Variants in SLC9B1 observed in about 807,000 individuals in gnomAD.
The protein encoded by SLC9B1 is solute carrier family 9 member B1.
A neutral mutation model predicts 51.7 loss-of-function variants in SLC9B1; 32 were observed. The observed-to-expected ratio is 0.62, with a 90% confidence interval of 0.47 to 0.83. The LOEUF (loss-of-function observed/expected upper bound fraction) is 0.83, where lower values mean the gene tolerates loss of function less well. SLC9B1 is among the 40% of genes least tolerant of loss of function. SLC9B1 has a pLI of 0.00. For missense variants in SLC9B1, 406 were observed against 613.2 expected (o/e 0.66, Z 3.57); for synonymous variants, 145 against 212.7 (o/e 0.68, Z 2.77).
intron 1 of SLC9B1, among the ~76,000 whole-genome samples, chr4:102,992,466 A>G (rs1393336944): frequency 6.6e-6 from 1 of 152,182 alleles, no homozygotes; most frequent in Non-Finnish European, 1.5e-5. Context: ...TCAAGTATCT[A>G]TACTTTTCTA....
chr4:102,926,224 A>T (rs902699741), intron 7 of SLC9B1, among the ~76,000 whole-genome samples: 3 of 152,276 alleles, frequency 2.0e-5, no homozygotes, highest in African/African-American at 7.2e-5. Flanking sequence ...CCTATTCAAC[A>T]TGGTGTTGGA....
At chr4:102,989,732 C>T (rs1739847188) in intron 3 of SLC9B1, 68 bp downstream of exon 3, 1 of 1,136,782 alleles carries the variant, frequency 8.8e-7, no homozygotes, top group South Asian at 1.6e-5. Context: ...TCTTTGTTGT[C>T]TCATGTTTTA....
chr4:102,926,918 C>T (rs1027505699), intron 7 of SLC9B1, among the ~76,000 whole-genome samples: 2 of 152,254 alleles, frequency 1.3e-5, no homozygotes, highest in Admixed American at 1.3e-4. Flanking sequence ...ACCAATGGAA[C>T]AGAACAGAGG....
chr4:102,958,068 T>C (rs1477299114), intron 3 of SLC9B1, among the ~76,000 whole-genome samples: 1 of 152,164 alleles, frequency 6.6e-6, no homozygotes, highest in Non-Finnish European at 1.5e-5. Context: ...AGTAACACAA[T>C]GAAACTCTGT....
intron 7 of SLC9B1, among the ~76,000 whole-genome samples, chr4:102,925,124 T>A (rs538969489): frequency 6.6e-6 from 1 of 152,338 alleles, no homozygotes; most frequent in African/African-American, 2.4e-5. Flanking sequence ...ATTGTGGCAC[T>A]ATTCACAATA....
rs1735729402 is a variant in SLC9B1, at chr4:102,919,063, GC to G, written c.830-7527del. On this transcript the variant is annotated intron_variant, in intron 7 of 11. Coordinates refer to ENST00000296422, the MANE Select transcript of SLC9B1 (RefSeq NM_139173.4). The stretch of plus-strand genomic sequence containing the variant: ...ACTGCACAGAGCAGCAAAGCTCTGG[GC>G]CTGGCCCACAAAACCATTTTTTCCC... Among the ~76,000 whole-genome samples the G allele has an allele frequency of 2.0e-5, 3 of 152,166 alleles. No homozygotes were observed. The South Asian group carries it at 6.2e-4, about 32-fold the overall frequency.
chr4:102,889,737 GT>G (rs1319000947), intron 11 of SLC9B1: 2 of 152,134 alleles, frequency 1.3e-5, no homozygotes, highest in Admixed American at 6.5e-5. Context: ...GTAGTAAGCT[GT>G]TGCTTTAATA....
At chr4:102,964,999 C>A (rs1447185232) in intron 3 of SLC9B1, among the ~76,000 whole-genome samples, 1 of 151,110 alleles carries the variant, frequency 6.6e-6, no homozygotes, top group Non-Finnish European at 1.5e-5. Context: ...AGGAACACAC[C>A]CACACACACA....
chr4:102,972,493 G>T (rs368986354), intron 3 of SLC9B1, among the ~76,000 whole-genome samples: 3 of 152,216 alleles, frequency 2.0e-5, no homozygotes, highest in East Asian at 1.9e-4. Flanking sequence ...TGATCTGCTC[G>T]CCTCGGCCTC....
chr4:102,920,514 C>T (rs565377532), intron 7 of SLC9B1, among the ~76,000 whole-genome samples: 30 of 152,282 alleles, frequency 2.0e-4, no homozygotes, highest in East Asian at 3.9e-4. Flanking sequence ...TCCAAAGGAT[C>T]GCAGCTCCTT....
chr4:102,886,320 C>T (rs1184455613), intron 11 of SLC9B1, among the ~76,000 whole-genome samples: 1 of 151,920 alleles, frequency 6.6e-6, no homozygotes, highest in Non-Finnish European at 1.5e-5. Context: ...AACCCCGTCT[C>T]TACTAAAAAA....
chr4:102,930,535 G>GCTGGGATTACAGATGCCCACCAC (rs1467936713), intron 7 of SLC9B1, among the ~76,000 whole-genome samples: 6 of 152,136 alleles, frequency 3.9e-5, no homozygotes, highest in Admixed American at 3.9e-4. Flanking sequence ...CTCCTGAGTA[G>GCTGGGATTACAGATGCCCACCAC]CTGGGATTAC....
At chr4:102,941,263 T>C (rs1736980805) in intron 6 of SLC9B1, among the ~76,000 whole-genome samples, 1 of 152,110 alleles carries the variant, frequency 6.6e-6, no homozygotes, top group Non-Finnish European at 1.5e-5. Flanking sequence ...AAAAGTCTAA[T>C]ATCCAGAATC....
At chr4:102,896,798 A>G (rs1347629187), downstream of SLC9B1, 1 of 152,484 alleles carries the variant, frequency 6.6e-6, no homozygotes, top group Admixed American at 6.5e-5. Context: ...ATATTGAGAC[A>G]CAGAAGCAGC....
intron 3 of SLC9B1, among the ~76,000 whole-genome samples, chr4:102,965,070 TGTA>T (rs1284671965): frequency 6.6e-6 from 1 of 152,126 alleles, no homozygotes; most frequent in African/African-American, 2.4e-5. Context: ...TTAGCAAGTT[TGTA>T]GAGTATATGA....
intron 1 of SLC9B1, among the ~76,000 whole-genome samples, chr4:102,995,924 T>C (rs1412710853): frequency 6.6e-6 from 1 of 152,188 alleles, no homozygotes; most frequent in Non-Finnish European, 1.5e-5. Flanking sequence ...CTCTATGAGG[T>C]ATTTAATACT....
rs58447131 is a variant in SLC9B1 at position 103,007,591 on chromosome 4, CTTTT to C, written c.-2+12004_-2+12007del. On this transcript the variant is annotated intron_variant, in intron 1 of 11. Transcript: ENST00000296422. ...TGGGTAATTTACAATCTCTTGTCAT[CTTTT>C]TTTTTTTTTTTTTTTTTTCTGGAGA... Among the ~76,000 whole-genome samples, 82 of 107,696 alleles carry C rather than the reference CTTTT, an allele frequency of 7.6e-4. No individual in the cohort carries two copies. In the Middle Eastern group the frequency reaches 0.014, roughly 18 times the overall value. 70.7% of individuals were successfully genotyped at this position (107,696 alleles called of 152,430 possible).
At chr4:102,942,366 C>A (rs1737047972) in intron 6 of SLC9B1, among the ~76,000 whole-genome samples, 1 of 152,090 alleles carries the variant, frequency 6.6e-6, no homozygotes, top group Non-Finnish European at 1.5e-5. Context: ...GCCCGCATAA[C>A]CAAAGCAAGA....
At chr4:102,962,210 G>A (rs973943196) in intron 3 of SLC9B1, 6 of 531,590 alleles carry the variant, frequency 1.1e-5, no homozygotes, top group Non-Finnish European at 2.3e-5. Context: ...GTCAGCAAAG[G>A]TAGTTGACAA....
Sources: allele counts gnomAD v4.1 joint callset (sites outside exome capture counted in the v4.1 genomes callset), GRCh38; gene constraint gnomAD v4.1.1; transcripts MANE v1.5; gene names NCBI Gene and HGNC (gene_info 2026-07-23, HGNC 2026-07-21).